The following ATAD2B variants were observed in gnomAD, a reference collection of about 807,000 sequenced individuals.
ATAD2B encodes the protein ATPase family AAA domain-containing protein 2B.
Under a neutral mutation model 167.6 loss-of-function variants are expected in ATAD2B, and 40 were observed. The ratio of observed to expected loss-of-function variants is 0.24; its 90% CI spans 0.19 to 0.31. The LOEUF is 0.31. Among genes scored for constraint, ATAD2B ranks in the 10% least tolerant of loss-of-function variants. The probability of loss-of-function intolerance (pLI) is 1.00; values close to 1 mark genes in which losing one functional copy is unlikely to be tolerated. For synonymous variants in ATAD2B, 579 were observed against 596.5 expected, an observed-to-expected ratio of 0.97 and a Z score of 0.43; for missense variants, 1,242 against 1,757.2, an observed-to-expected ratio of 0.71 and a Z score of 5.24.
chr2:23,807,958 TAA>T (rs1359481570), intron 18 of ATAD2B, among the ~76,000 whole-genome samples: 5 of 119,996 alleles, frequency 4.2e-5, no homozygotes, highest in East Asian at 2.1e-4. Context: ...TAAATATTTA[TAA>T]TATATATATT....
intron 15 of ATAD2B, 122 bp from the exon 16 acceptor site, chr2:23,823,691 C>A: frequency 2.4e-6 from 2 of 839,270 alleles, no homozygotes; most frequent in Middle Eastern, 3.7e-4. Context: ...TAACTATGTG[C>A]AATTTTACCA....
intron 21 of ATAD2B, among the ~76,000 whole-genome samples, chr2:23,785,538 G>C (rs1680690146): frequency 6.6e-6 from 1 of 152,018 alleles, no homozygotes; most frequent in Admixed American, 6.6e-5. Flanking sequence ...TAATTTAGTT[G>C]CACGGGATAT....
At chr2:23,741,064 A>C in the ATAD2B span, among the ~76,000 whole-genome samples, 1 of 152,184 alleles carries the variant, frequency 6.6e-6, no homozygotes, top group African/African-American at 2.4e-5. Context: ...GATACAAACA[A>C]GTGGAAGAAC....
At chr2:23,743,871 C>A (rs1306132413), downstream of ATAD2B, among the ~76,000 whole-genome samples, 2 of 152,240 alleles carry the variant, frequency 1.3e-5, no homozygotes, top group African/African-American at 4.8e-5. Flanking sequence ...AAGGATCCTT[C>A]TGCCTCAGCC....
the ATAD2B span, among the ~76,000 whole-genome samples, chr2:23,722,989 C>T: frequency 6.6e-6 from 1 of 152,122 alleles, no homozygotes; most frequent in Non-Finnish European, 1.5e-5. Flanking sequence ...AACAAACCAT[C>T]TGATTTAAAA....
chr2:23,834,665 T>G (rs938043829), intron 13 of ATAD2B, among the ~76,000 whole-genome samples: 3 of 152,046 alleles, frequency 2.0e-5, no homozygotes, highest in African/African-American at 7.2e-5. Context: ...AAATATAACC[T>G]AAGAATATTT....
chr2:23,775,678 G>C (rs1231888555), intron 22 of ATAD2B, among the ~76,000 whole-genome samples: 1 of 152,182 alleles, frequency 6.6e-6, no homozygotes, highest in Non-Finnish European at 1.5e-5. Context: ...GAAACAGTAA[G>C]ACTGGGACTT....
intron 1 of ATAD2B, among the ~76,000 whole-genome samples, chr2:23,903,784 T>C (rs1167912906): frequency 1.3e-5 from 2 of 152,150 alleles, no homozygotes; most frequent in African/African-American, 2.4e-5. Flanking sequence ...AGCAGACCAC[T>C]AGATTAAATC....
At position 23,850,486 on chromosome 2, in the gene ATAD2B, T is replaced by C. The variant is rs1273418775; in HGVS notation, c.1568+6929A>G. On this transcript the variant is annotated intron_variant, in intron 13 of 27. Coordinates refer to ENST00000238789, the MANE Select transcript of ATAD2B (RefSeq NM_017552.4). ...TCTTAATCTGAAAAAGGGAGTTAAATTAAAAACAAACAGAAAAGACTTGGG... is the reference window on the plus strand; with the variant it reads ...TCTTAATCTGAAAAAGGGAGTTAAACTAAAAACAAACAGAAAAGACTTGGG... Among the ~76,000 whole-genome samples the C allele has an allele frequency of 2.0e-5, 3 of 152,082 alleles. No individual in the cohort carries two copies. The East Asian group carries it at 5.8e-4, about 29-fold the overall frequency.
intron 22 of ATAD2B, among the ~76,000 whole-genome samples, chr2:23,782,083 C>T (rs1680158840): frequency 6.6e-6 from 1 of 152,228 alleles, no homozygotes; most frequent in South Asian, 2.1e-4. Context: ...TCCCAAAGTG[C>T]TGGGATTACA....
intron 13 of ATAD2B, among the ~76,000 whole-genome samples, chr2:23,854,694 A>AC (rs34921256): frequency 6.6e-6 from 1 of 151,966 alleles, no homozygotes; most frequent in East Asian, 1.9e-4. Flanking sequence ...AAAAAAAAAA[A>AC]GCTAACGCTA....
chr2:23,891,327 A>C (rs1010550720), intron 2 of ATAD2B, among the ~76,000 whole-genome samples: 4 of 151,924 alleles, frequency 2.6e-5, no homozygotes, highest in Admixed American at 2.6e-4. Context: ...GCCTACACTG[A>C]GATTTTGTAA....
Position 23,752,106 on chromosome 2 carries a change from T to C in ATAD2B, c.4336-19A>G. The C allele has an allele frequency of 6.6e-7, 1 of 1,519,016 alleles. No individual in the cohort carries two copies. Among genetic ancestry groups the C allele is most frequent in the Non-Finnish European group, 9.0e-7 (1 of 1,115,208 alleles). The allele number at this position is 1,519,016 out of a possible 1,614,324, so 94.1% of individuals were successfully genotyped here. ...CCATCTCCTATAAAAGGAAAAAAAA[T>C]GCATGTTATCTATTAAGGGAAAGAC... On this transcript the variant is annotated intron_variant, in intron 27 of 27. Transcript: ENST00000238789.
At chr2:23,862,791 T>G (rs149585788) in intron 12 of ATAD2B, among the ~76,000 whole-genome samples, 21 of 152,324 alleles carry the variant, frequency 1.4e-4, no homozygotes, top group Admixed American at 3.9e-4. Flanking sequence ...TTATGCCTGT[T>G]GTAGTTCCCC....
chr2:23,866,090 C>T (rs959435991), intron 10 of ATAD2B: 9 of 245,648 alleles, frequency 3.7e-5, no homozygotes, highest in Non-Finnish European at 5.9e-5. Context: ...GCTAAATTTT[C>T]TTGTATTTGG....
At chr2:23,833,411 T>C (rs1689389865) in intron 14 of ATAD2B, among the ~76,000 whole-genome samples, 1 of 152,068 alleles carries the variant, frequency 6.6e-6, no homozygotes, top group Non-Finnish European at 1.5e-5. Context: ...TTGTATATCA[T>C]ATAACATTTA....
the ATAD2B span, among the ~76,000 whole-genome samples, chr2:23,686,534 G>A: frequency 6.6e-6 from 1 of 152,158 alleles, no homozygotes; most frequent in Non-Finnish European, 1.5e-5. Context: ...AGGATGGGCA[G>A]GACCAGGACG....
intron 12 of ATAD2B, among the ~76,000 whole-genome samples, chr2:23,861,939 G>A (rs560848146): frequency 6.6e-6 from 1 of 152,298 alleles, no homozygotes; most frequent in African/African-American, 2.4e-5. Flanking sequence ...AGAGGCTCAT[G>A]CCTATAATCC....
At chr2:23,841,512 AT>A (rs1176400515) in intron 13 of ATAD2B, among the ~76,000 whole-genome samples, 1 of 150,518 alleles carries the variant, frequency 6.6e-6, no homozygotes, top group Non-Finnish European at 1.5e-5. Flanking sequence ...ATGTGTCAGA[AT>A]TTTTTTCTTT....
Sources: gnomAD v4.1 joint callset for allele counts (sites outside exome capture counted in the v4.1 genomes callset) on GRCh38, gnomAD v4.1.1 for gene constraint, MANE v1.5 for transcripts, NCBI Gene and HGNC (gene_info 2026-07-23, HGNC 2026-07-21) for gene names.